Variants in DLG2 observed in about 807,000 individuals in gnomAD.
DLG2 encodes discs large MAGUK scaffold protein 2, also known as disks large homolog 2.
Under a neutral mutation model 132.5 loss-of-function variants are expected in DLG2, and 45 were observed. That is an observed-to-expected ratio of 0.34 (90% confidence interval 0.27 to 0.44). DLG2 has a LOEUF of 0.44. Among genes scored for constraint, DLG2 ranks in the 20% least tolerant of loss-of-function variants. The pLI is 1.00. For synonymous variants in DLG2, 424 were observed against 419.6 expected (o/e 1.01, Z -0.13); for missense variants, 1,045 against 1,196.9 (o/e 0.87, Z 1.87).
chr11:84,333,547 G>T (rs975575764), intron 7 of DLG2, among the ~76,000 whole-genome samples: 11 of 152,096 alleles, frequency 7.2e-5, no homozygotes, highest in Non-Finnish European at 1.3e-4. Flanking sequence ...AAGCTGCCAG[G>T]TACATTCAAA....
At chr11:84,535,531 A>G (rs768187101) in intron 6 of DLG2, among the ~76,000 whole-genome samples, 1 of 152,148 alleles carries the variant, frequency 6.6e-6, no homozygotes, top group Non-Finnish European at 1.5e-5. Flanking sequence ...GAGTCTTCCA[A>G]ACAGATATAA....
At position 83,786,705 on chromosome 11, in the gene DLG2, G is replaced by T. The variant is rs1298661532; in HGVS notation, c.1810C>A (p.Gln604Lys). 6.2e-7 allele frequency: 1 copy of T among 1,613,944 alleles called. No individual in the cohort carries two copies. ...TCTGACTGACCTTCAGGTTGATATT[G>T]TGCTATAATCGTCACTGTCTGTCCA... ...GAGQTVTIIA[Q>K]YQPEDYARFE... Residue 604 changes from glutamine to lysine, a missense_variant, in exon 18 of 28, where the codon CAA becomes AAA. Transcript: ENST00000376104.
intron 14 of DLG2, among the ~76,000 whole-genome samples, chr11:83,935,048 C>A (rs560939409): frequency 6.6e-6 from 1 of 152,178 alleles, no homozygotes; most frequent in Non-Finnish European, 1.5e-5. Flanking sequence ...CTTTCAGATT[C>A]TCCAAAGGTT....
intron 11 of DLG2, among the ~76,000 whole-genome samples, chr11:84,001,705 C>T (rs924118366): frequency 1.3e-5 from 2 of 152,006 alleles, no homozygotes; most frequent in Admixed American, 1.3e-4. Context: ...CAAAACAAGT[C>T]TCAACAACTT....
chr11:84,011,224 A>G (rs2094873005), intron 11 of DLG2, among the ~76,000 whole-genome samples: 1 of 152,120 alleles, frequency 6.6e-6, no homozygotes, highest in South Asian at 2.1e-4. Flanking sequence ...TAATCCTAGC[A>G]CTTTGGGAGG....
intron 6 of DLG2, among the ~76,000 whole-genome samples, chr11:85,086,949 CTT>C (rs1358387726): frequency 6.6e-6 from 1 of 152,070 alleles, no homozygotes; most frequent in Admixed American, 6.6e-5. Flanking sequence ...ATGTATATGT[CTT>C]TTGTTTTTTA....
intron 3 of DLG2, among the ~76,000 whole-genome samples, chr11:85,427,690 C>G (rs985382876): frequency 1.4e-4 from 22 of 152,204 alleles, no homozygotes; most frequent in Non-Finnish European, 2.2e-4. Context: ...TGGTAAAGAT[C>G]ACCAATGCTA....
chr11:85,062,883 G>T (rs550739366), intron 6 of DLG2, among the ~76,000 whole-genome samples: 4 of 151,634 alleles, frequency 2.6e-5, no homozygotes, highest in Non-Finnish European at 4.4e-5. Context: ...AGAGAAATAA[G>T]CACACTAAGC....
At chr11:84,838,261 C>T (rs1255200657) in intron 6 of DLG2, among the ~76,000 whole-genome samples, 1 of 151,776 alleles carries the variant, frequency 6.6e-6, no homozygotes, top group Admixed American at 6.6e-5. Flanking sequence ...AAGTGTTCTC[C>T]AGCTATTTAC....
intron 18 of DLG2, among the ~76,000 whole-genome samples, chr11:83,721,987 A>G (rs1327929364): frequency 1.3e-5 from 2 of 152,256 alleles, no homozygotes; most frequent in Non-Finnish European, 2.9e-5. Flanking sequence ...CATATAAAAA[A>G]TACTTGCTCT....
intron 6 of DLG2, among the ~76,000 whole-genome samples, chr11:84,860,253 CTAAAAGAATACTG>C (rs2083429009): frequency 6.6e-6 from 1 of 152,090 alleles, no homozygotes; most frequent in South Asian, 2.1e-4. Flanking sequence ...AATTATATTC[CTAAAAGAATACTG>C]TAAACTCCTC....
At chr11:84,213,195 C>T (rs1490544745) in intron 8 of DLG2, among the ~76,000 whole-genome samples, 1 of 152,194 alleles carries the variant, frequency 6.6e-6, no homozygotes, top group Non-Finnish European at 1.5e-5. Flanking sequence ...TCCCTTGCTA[C>T]ACCACAAGAA....
At chr11:84,956,564 T>A (rs958014422) in intron 6 of DLG2, among the ~76,000 whole-genome samples, 3 of 152,322 alleles carry the variant, frequency 2.0e-5, no homozygotes, top group African/African-American at 7.2e-5. Flanking sequence ...TGTCTTCAAC[T>A]TCCTAGGATA....
At chr11:85,235,039 G>A (rs1183910608) in intron 4 of DLG2, among the ~76,000 whole-genome samples, 1 of 151,846 alleles carries the variant, frequency 6.6e-6, no homozygotes, top group Non-Finnish European at 1.5e-5. Context: ...GTAATTTAAG[G>A]AAGACAATAT....
intron 4 of DLG2, among the ~76,000 whole-genome samples, chr11:85,155,752 C>G (rs1033381391): frequency 2.6e-5 from 4 of 151,886 alleles, no homozygotes; most frequent in Non-Finnish European, 4.4e-5. Flanking sequence ...CGCCTGTAAT[C>G]CCAGCTACTT....
At chr11:85,513,777 CA>C (rs1474596496) in intron 3 of DLG2, among the ~76,000 whole-genome samples, 11 of 152,032 alleles carry the variant, frequency 7.2e-5, no homozygotes, top group Non-Finnish European at 1.5e-4. Flanking sequence ...AAAAAAATAA[CA>C]ACACCTATTT....
chr11:83,567,171 C>T (rs17145589), intron 19 of DLG2, among the ~76,000 whole-genome samples: 2,579 of 152,204 alleles, frequency 0.017, 74 homozygotes, highest in African/African-American at 0.059. Flanking sequence ...GATGACAAAG[C>T]TCAGCATTCT....
Position 83,835,062 on chromosome 11 carries a change from G to C in DLG2, c.1566-1292C>G, listed in dbSNP as rs564609808. On this transcript the variant is annotated intron_variant, in intron 16 of 27. Coordinates refer to ENST00000376104, the MANE Select transcript of DLG2 (RefSeq NM_001142699.3). The stretch of plus-strand genomic sequence containing the variant: ...GTATATATGCCTTATTATGAGGAAA[G>C]GTGTAAAGTGCACCTCACAACTTGA... 3.9e-5 allele frequency among the ~76,000 whole-genome samples: 6 copies of C among 152,268 alleles called. No individual in the cohort carries two copies. In the South Asian group the frequency reaches 1.2e-3, roughly 32 times the overall value.
At chr11:85,100,831 G>T (rs2070735228) in intron 6 of DLG2, among the ~76,000 whole-genome samples, 1 of 152,096 alleles carries the variant, frequency 6.6e-6, no homozygotes, top group Non-Finnish European at 1.5e-5. Flanking sequence ...GGTCATCTAA[G>T]AACTGTCAAA....
Sources: gnomAD v4.1 joint callset for allele counts (sites outside exome capture counted in the v4.1 genomes callset) on GRCh38, gnomAD v4.1.1 for gene constraint, MANE v1.5 for transcripts, NCBI Gene and HGNC (gene_info 2026-07-23, HGNC 2026-07-21) for gene names.